Variants in SGCG observed in about 807,000 individuals in gnomAD.
The protein encoded by SGCG is sarcoglycan gamma, also known as gamma-sarcoglycan.
In SGCG, 26 loss-of-function variants were observed where a neutral mutation model predicts 29.3. That is an observed-to-expected ratio of 0.89 (90% CI 0.65 to 1.23). SGCG has a LOEUF of 1.23. Among genes scored for constraint, SGCG ranks in the 50% most tolerant of loss-of-function variants. SGCG has a pLI of 0.00. For missense variants in SGCG, 353 were observed against 356.0 expected (o/e 0.99, Z 0.07); for synonymous variants, 145 against 129.7 (o/e 1.12, Z -0.80).
At chr13:23,177,015 T>C (rs1876578434), upstream of SGCG, among the ~76,000 whole-genome samples, 1 of 152,224 alleles carries the variant, frequency 6.6e-6, no homozygotes, top group South Asian at 2.1e-4. Flanking sequence ...CTGTGGTATA[T>C]ATGCATGGTG....
Position 23,250,636 on chromosome 13 carries a change from T to C in SGCG, c.304T>C (p.Ser102Pro), listed in dbSNP as rs201683351. 5.6e-6 allele frequency: 9 copies of C among 1,595,812 alleles called. No individual in the cohort carries two copies. The highest frequency in any genetic ancestry group is 1.7e-4 in the Middle Eastern group (1 of 6,038). Reference protein sequence around the residue: ...AKEIHSRVDSSLLLQSTQNVT... With the variant: ...AKEIHSRVDSPLLLQSTQNVT... Reference sequence around the variant, plus strand: ...TTTATAAATCTCTTTCTAGGACTCATCTCTGCTTCTACAATCAACCCAGAA... The same window carrying C: ...TTTATAAATCTCTTTCTAGGACTCACCTCTGCTTCTACAATCAACCCAGAA... The change falls in exon 4 of 8, where the codon TCT becomes CCT. Residue 102 changes from serine to proline, a missense_variant. By Grantham distance (74) the Ser-to-Pro change is moderately conservative. Transcript: ENST00000218867.
At chr13:23,313,974 G>A (rs183702497) in intron 6 of SGCG, among the ~76,000 whole-genome samples, 11 of 152,212 alleles carry the variant, frequency 7.2e-5, no homozygotes, top group East Asian at 1.9e-4. Context: ...TATGCTGGAC[G>A]CTTCCTGCCC....
chr13:23,251,095 GTTCT>G (rs1477975929), intron 4 of SGCG, among the ~76,000 whole-genome samples: 4 of 152,074 alleles, frequency 2.6e-5, no homozygotes, highest in Non-Finnish European at 5.9e-5. Context: ...TTCCCTCCCC[GTTCT>G]TTCTTCTCTT....
intron 2 of SGCG, among the ~76,000 whole-genome samples, chr13:23,219,099 G>A (rs1878553675): frequency 6.6e-6 from 1 of 150,492 alleles, no homozygotes; most frequent in African/African-American, 2.4e-5. Context: ...CCAGGCTGGA[G>A]TGCAGTGGCA....
intron 5 of SGCG, among the ~76,000 whole-genome samples, chr13:23,286,225 C>T (rs1226081875): frequency 6.6e-6 from 1 of 152,136 alleles, no homozygotes; most frequent in Non-Finnish European, 1.5e-5. Context: ...CATTACAGGA[C>T]AGTATACAGA....
At chr13:23,297,251 G>A (rs1458036505) in intron 6 of SGCG, among the ~76,000 whole-genome samples, 1 of 149,720 alleles carries the variant, frequency 6.7e-6, no homozygotes, top group Admixed American at 6.6e-5. Flanking sequence ...TTTTGAGATG[G>A]AATTTTGCTC....
upstream of SGCG, among the ~76,000 whole-genome samples, chr13:23,179,454 C>T (rs1407166341): frequency 6.6e-6 from 1 of 152,190 alleles, no homozygotes; most frequent in Non-Finnish European, 1.5e-5. Context: ...GAAGAGGTAT[C>T]TCAATTGTAA....
chr13:23,234,414 G>C lies in SGCG; in HGVS notation c.196-197G>C, dbSNP rs7994953. Among the ~76,000 whole-genome samples the C allele has an allele frequency of 0.15, 23,360 of 151,766 alleles. 1,839 individuals are homozygous for C. Among genetic ancestry groups the C allele is most frequent in the East Asian group, 0.29 (1,488 of 5,148 alleles). On this transcript the variant is annotated intron_variant, in intron 2 of 7. Coordinates refer to ENST00000218867, the MANE Select transcript of SGCG (RefSeq NM_000231.3). ...TGAAATTTTATATATGTTTTCTAAA[G>C]AGCTCTTTGTATTTATACAAGATTT... is the stretch of plus-strand genomic sequence containing the variant.
At chr13:23,212,975 T>C (rs1357534411) in intron 2 of SGCG, among the ~76,000 whole-genome samples, 14 of 152,122 alleles carry the variant, frequency 9.2e-5, no homozygotes. Flanking sequence ...GTGATATAGA[T>C]AGAGGCATTC....
At chr13:23,252,690 CA>C (rs779108062) in intron 4 of SGCG, among the ~76,000 whole-genome samples, 1 of 147,942 alleles carries the variant, frequency 6.8e-6, no homozygotes, top group East Asian at 2.0e-4. Flanking sequence ...GACTGTGTCT[CA>C]AAAAAAACAA....
intron 3 of SGCG, among the ~76,000 whole-genome samples, chr13:23,239,204 A>C (rs1457876970): frequency 6.6e-6 from 1 of 152,148 alleles, no homozygotes; most frequent in Non-Finnish European, 1.5e-5. Flanking sequence ...AAAAATCTTA[A>C]AGAGAAAGCC....
chr13:23,187,139 G>C (rs1489018436), intron 1 of SGCG, among the ~76,000 whole-genome samples: 3 of 152,160 alleles, frequency 2.0e-5, no homozygotes. Context: ...ACCATTCTGG[G>C]CTGCTCTGTA....
At chr13:23,180,799 G>C (rs989535526), upstream of SGCG, among the ~76,000 whole-genome samples, 1 of 152,182 alleles carries the variant, frequency 6.6e-6, no homozygotes, top group African/African-American at 2.4e-5. Flanking sequence ...TTTGGCATGC[G>C]AAGAGCTGTG....
chr13:23,295,423 G>A lies in SGCG; in HGVS notation c.514G>A (p.Gly172Arg), dbSNP rs745417608. 6.2e-7 allele frequency: 1 copy of A among 1,613,400 alleles called. No individual in the cohort carries two copies. The highest frequency in any genetic ancestry group is 8.5e-7 in the Non-Finnish European group (1 of 1,179,518). Reference protein sequence around the residue: ...TDKLRVTGPEGALFEHSVETP... With the variant: ...TDKLRVTGPERALFEHSVETP... The stretch of plus-strand genomic sequence containing the variant: ...CTTTGTTTTTTGTTTAGGGCCTGAA[G>A]GGGCTCTTTTTGAACATTCAGTGGA... Residue 172 changes from glycine (G) to arginine (R), a missense_variant, in exon 6 of 8, where the codon GGG becomes AGG. By Grantham distance (125) the Gly-to-Arg change is moderately radical (BLOSUM62 -2). Coordinates refer to ENST00000218867, the MANE Select transcript of SGCG (RefSeq NM_000231.3).
the SGCG span, among the ~76,000 whole-genome samples, chr13:23,174,045 A>G: frequency 1.3e-5 from 2 of 152,218 alleles, no homozygotes; most frequent in African/African-American, 4.8e-5. Flanking sequence ...CCAATTTGAG[A>G]GCAGAATAGA....
intron 6 of SGCG, among the ~76,000 whole-genome samples, chr13:23,301,994 A>G (rs1882178206): frequency 6.6e-6 from 1 of 152,172 alleles, no homozygotes; most frequent in African/African-American, 2.4e-5. Flanking sequence ...TATGGTTTAA[A>G]TAACATAAAT....
the SGCG span, among the ~76,000 whole-genome samples, chr13:23,163,536 C>A: frequency 6.6e-6 from 1 of 152,140 alleles, no homozygotes; most frequent in Non-Finnish European, 1.5e-5. Context: ...AATTAAATCC[C>A]AGCATGGATG....
At chr13:23,249,879 G>A (rs1231793524) in intron 3 of SGCG, among the ~76,000 whole-genome samples, 2 of 152,018 alleles carry the variant, frequency 1.3e-5, no homozygotes, top group Admixed American at 1.3e-4. Flanking sequence ...TGGAAAAATT[G>A]TTCAAAGAAT....
upstream of SGCG, among the ~76,000 whole-genome samples, chr13:23,176,562 C>T (rs750520350): frequency 1.3e-5 from 2 of 151,924 alleles, no homozygotes; most frequent in Non-Finnish European, 2.9e-5. Context: ...CCCCTGTTTA[C>T]TTATGGTTTC....
Sources: allele counts gnomAD v4.1 joint callset (sites outside exome capture counted in the v4.1 genomes callset), GRCh38; gene constraint gnomAD v4.1.1; transcripts MANE v1.5; gene names NCBI Gene and HGNC (gene_info 2026-07-23, HGNC 2026-07-21).